SETX: variants seen among roughly 807,000 people sequenced by gnomAD.
SETX encodes helicase senataxin.
In SETX, 90 loss-of-function variants were observed where a neutral mutation model predicts 227.2. The observed-to-expected ratio is 0.40, with a 90% CI of 0.33 to 0.47. The LOEUF (loss-of-function observed/expected upper bound fraction) is 0.47, where lower values mean the gene tolerates loss of function less well. Ranked by LOEUF, SETX falls within the 20% of genes least tolerant of loss-of-function variation. The pLI, the probability that SETX is intolerant of heterozygous loss-of-function variation, is 0.91. For synonymous variants in SETX, 1,210 were observed against 1,113.2 expected (o/e 1.09, Z -1.73); for missense variants, 3,052 against 3,181.5 (o/e 0.96, Z 0.98).
chr9:132,272,116 C>T (rs909912183), intron 23 of SETX, among the ~76,000 whole-genome samples: 2 of 151,982 alleles, frequency 1.3e-5, no homozygotes, highest in Admixed American at 6.6e-5. Context: ...ATGATCCGCC[C>T]GCCTCGGCCT....
Position 132,264,644 on chromosome 9 carries a change from C to T in SETX, c.7629G>A (p.Lys2543=). The T allele has an allele frequency of 6.2e-7, 1 of 1,614,228 alleles. No homozygotes were observed. The highest frequency in any genetic ancestry group is 8.5e-7 in the Non-Finnish European group (1 of 1,180,044). The change falls in exon 26 of 26, where the codon AAG becomes AAA. Residue 2543 remains lysine, a synonymous_variant. Coordinates refer to ENST00000224140, the MANE Select transcript of SETX (RefSeq NM_015046.7). ...HDQLQDPRLL[K]RMGIEVKGGI... ...CTCCTTTGACCTCAATGCCCATCCT[C>T]TTCAGCAGTCGTGGGTCCTGAAGTT... is the stretch of plus-strand genomic sequence containing the variant.
At chr9:132,296,695 T>C (rs1844691631) in intron 14 of SETX, among the ~76,000 whole-genome samples, 192 bp downstream of exon 14, 1 of 152,184 alleles carries the variant, frequency 6.6e-6, no homozygotes, top group Non-Finnish European at 1.5e-5. Flanking sequence ...TAGTGGTTTT[T>C]TCCTCTTTTT....
chr9:132,286,272 A>G, intron 18 of SETX, 151 bp downstream of exon 18: 1 of 632,774 alleles, frequency 1.6e-6, no homozygotes, highest in Non-Finnish European at 2.7e-6. Flanking sequence ...GTGAGCTGAG[A>G]TCATGCCACT....
intron 23 of SETX, chr9:132,274,978 T>A: frequency 4.6e-6 from 2 of 431,764 alleles, no homozygotes; most frequent in East Asian, 8.0e-5. Context: ...AGAATTCAGA[T>A]GAACAAGTCA....
chr9:132,336,943 G>A (rs950824630), intron 5 of SETX, among the ~76,000 whole-genome samples: 1 of 152,122 alleles, frequency 6.6e-6, no homozygotes, highest in Non-Finnish European at 1.5e-5. Flanking sequence ...GTGCACTCCT[G>A]TAGTCCCAGC....
chr9:132,277,246 G>T, intron 21 of SETX, 94 bp from the exon 22 acceptor site: 1 of 1,076,560 alleles, frequency 9.3e-7, no homozygotes, highest in Non-Finnish European at 1.4e-6. Context: ...GTGGTGATGT[G>T]GGCTGGGGCA....
intron 15 of SETX, among the ~76,000 whole-genome samples, chr9:132,295,562 T>C (rs1182713886): frequency 6.6e-6 from 1 of 152,050 alleles, no homozygotes; most frequent in Non-Finnish European, 1.5e-5. Flanking sequence ...TGAATCAGGG[T>C]CCCCCTAAGG....
chr9:132,325,278 C>T (rs1846654624), intron 10 of SETX, among the ~76,000 whole-genome samples: 1 of 152,100 alleles, frequency 6.6e-6, no homozygotes, highest in African/African-American at 2.4e-5. Context: ...ACAGCCTGAA[C>T]CCGGGAGGCA....
chr9:132,325,013 G>A (rs1846617142), intron 10 of SETX, among the ~76,000 whole-genome samples: 2 of 152,180 alleles, frequency 1.3e-5, no homozygotes, highest in South Asian at 4.1e-4. Context: ...ACCAGAATAG[G>A]ATGTGCTGGG....
At position 132,346,019 on chromosome 9, in the gene SETX, TA is replaced by T. The variant is rs911322295; in HGVS notation, c.388+241del. ...AGGAGACACAGCAAGACCCTGTCTCTAAAAAAAAATAAAAACAATCTTCAGT... is the reference window on the plus strand; with the variant it reads ...AGGAGACACAGCAAGACCCTGTCTCTAAAAAAAATAAAAACAATCTTCAGT... On this transcript the variant is annotated intron_variant, in intron 4 of 25. Transcript: ENST00000224140. Among the ~76,000 whole-genome samples, 30 of 150,624 alleles carry T rather than the reference TA, an allele frequency of 2.0e-4. No homozygotes were observed. The East Asian group carries it at 5.6e-3, about 28-fold the overall frequency.
chr9:132,334,427 A>G, intron 7 of SETX, among the ~76,000 whole-genome samples, 181 bp downstream of exon 7: 1 of 152,232 alleles, frequency 6.6e-6, no homozygotes, highest in Non-Finnish European at 1.5e-5. Flanking sequence ...CAGCCTGGGC[A>G]ACAAGAGTAT....
intron 10 of SETX, among the ~76,000 whole-genome samples, chr9:132,324,977 T>G (rs980288103): frequency 2.6e-5 from 4 of 152,204 alleles, no homozygotes; most frequent in African/African-American, 9.6e-5. Flanking sequence ...GTTTGTCAAC[T>G]CTACTTGAGT....
chr9:132,291,104 A>G (rs1308339256), intron 15 of SETX, among the ~76,000 whole-genome samples: 3 of 149,950 alleles, frequency 2.0e-5, no homozygotes, highest in African/African-American at 7.4e-5. Flanking sequence ...TTTTTATCCC[A>G]GTTCAGCTCA....
chr9:132,299,140 A>C (rs1192823914), intron 12 of SETX, among the ~76,000 whole-genome samples: 1 of 152,224 alleles, frequency 6.6e-6, no homozygotes, highest in East Asian at 1.9e-4. Context: ...ACAAATTAGA[A>C]GTGAGGTGTG....
chr9:132,343,135 C>T (rs925822388), intron 4 of SETX, among the ~76,000 whole-genome samples: 1 of 151,924 alleles, frequency 6.6e-6, no homozygotes, highest in East Asian at 1.9e-4. Flanking sequence ...CTGGCTAACA[C>T]GGTGAAACCC....
intron 11 of SETX, among the ~76,000 whole-genome samples, chr9:132,303,798 T>C (rs1441293093): frequency 1.3e-5 from 2 of 152,074 alleles, no homozygotes; most frequent in Non-Finnish European, 2.9e-5. Context: ...CACAATGACA[T>C]ACTACTACAC....
intron 13 of SETX, among the ~76,000 whole-genome samples, chr9:132,297,558 C>A (rs1844744673): frequency 6.6e-6 from 1 of 152,202 alleles, no homozygotes; most frequent in South Asian, 2.1e-4. Flanking sequence ...AAGCCTTGGC[C>A]TCTGTTACTC....
chr9:132,273,691 G>A lies in SETX; in HGVS notation c.7100+1565C>T, dbSNP rs187301112. On this transcript the variant is annotated intron_variant, in intron 23 of 25. Transcript: ENST00000224140. Reference sequence around the variant, plus strand: ...TGCTAAGCTTATTATCTCTAATAGTGCCTTTGAATGGCTTTGTTAGGGTTT... The same window carrying A: ...TGCTAAGCTTATTATCTCTAATAGTACCTTTGAATGGCTTTGTTAGGGTTT... Among the ~76,000 whole-genome samples the A allele has an allele frequency of 6.5e-4, 99 of 152,114 alleles. No individual in the cohort carries two copies. The South Asian group carries it at 8.5e-3, about 13-fold the overall frequency.
intron 10 of SETX, 45 bp downstream of exon 10, chr9:132,326,279 A>T (rs1846747028): frequency 1.4e-6 from 2 of 1,408,966 alleles, no homozygotes; most frequent in African/African-American, 2.8e-5. Flanking sequence ...GTAAAGAGGT[A>T]ACTTGAAAAG....
Sources: gnomAD v4.1 joint callset for allele counts (sites outside exome capture counted in the v4.1 genomes callset) on GRCh38, gnomAD v4.1.1 for gene constraint, MANE v1.5 for transcripts, NCBI Gene and HGNC (gene_info 2026-07-23, HGNC 2026-07-21) for gene names.